RFPL1: variants seen among roughly 807,000 people sequenced by gnomAD.
The protein encoded by RFPL1 is ret finger protein-like 1.
A neutral mutation model predicts 9.6 loss-of-function variants in RFPL1; 6 were observed. That is an observed-to-expected ratio of 0.62 (90% CI 0.34 to 1.23). RFPL1 has a LOEUF of 1.23. Ranked by LOEUF, RFPL1 falls within the 50% of genes most tolerant of loss-of-function variation. The pLI is 0.03. For synonymous variants in RFPL1, 145 were observed against 149.4 expected, an observed-to-expected ratio of 0.97 and a Z score of 0.22; for missense variants, 352 against 398.4, an observed-to-expected ratio of 0.88 and a Z score of 0.99.
chr22:29,440,757 T>C (rs1425598793), intron 1 of RFPL1: 3 of 151,912 alleles, frequency 2.0e-5, no homozygotes, highest in Non-Finnish European at 4.4e-5. Context: ...GTATGTTTTT[T>C]AGTAGAGACA....
chr22:29,423,981 T>G, the RFPL1 span, among the ~76,000 whole-genome samples: 1,204 of 152,090 alleles, frequency 7.9e-3, 23 homozygotes, highest in African/African-American at 0.028. Flanking sequence ...TCACCTGAGG[T>G]CAGGAGATCG....
At chr22:29,421,551 C>G in the RFPL1 span, among the ~76,000 whole-genome samples, 4 of 150,070 alleles carry the variant, frequency 2.7e-5, no homozygotes, top group Non-Finnish European at 4.5e-5. Flanking sequence ...TGCTTTCTCT[C>G]TTTTTTCAAT....
the RFPL1 span, among the ~76,000 whole-genome samples, chr22:29,428,578 A>T: frequency 6.6e-6 from 1 of 152,242 alleles, no homozygotes; most frequent in Non-Finnish European, 1.5e-5. Context: ...CCTCTCCAGG[A>T]TGGACCACAT....
At chr22:29,428,888 G>A in the RFPL1 span, among the ~76,000 whole-genome samples, 9 of 152,248 alleles carry the variant, frequency 5.9e-5, no homozygotes, top group Admixed American at 3.9e-4. Context: ...CAGCAAAAAA[G>A]TAGAATGCTT....
At chr22:29,437,754 T>C (rs1375408294), upstream of RFPL1, 4 of 1,572,672 alleles carry the variant, frequency 2.5e-6, no homozygotes, top group Admixed American at 4.1e-5. Flanking sequence ...TGTGTGTGTG[T>C]TTTTCCTCCT....
At chr22:29,393,621 C>G in the RFPL1 span, among the ~76,000 whole-genome samples, 1 of 152,096 alleles carries the variant, frequency 6.6e-6, no homozygotes, top group Non-Finnish European at 1.5e-5. Flanking sequence ...ACCCCAGGCC[C>G]AGGAGAAACT....
chr22:29,390,953 AAC>A, the RFPL1 span, among the ~76,000 whole-genome samples: 1 of 151,136 alleles, frequency 6.6e-6, no homozygotes, highest in Non-Finnish European at 1.5e-5. Flanking sequence ...CATCCTGGCT[AAC>A]ACAGTGAAAC....
the RFPL1 span, among the ~76,000 whole-genome samples, chr22:29,426,790 T>C: frequency 3.9e-5 from 6 of 152,210 alleles, no homozygotes; most frequent in Admixed American, 3.3e-4. Context: ...CAACATTAGC[T>C]GTATTATCCT....
the RFPL1 span, among the ~76,000 whole-genome samples, chr22:29,410,364 ATATATATC>A: frequency 5.7e-5 from 4 of 70,678 alleles, no homozygotes; most frequent in Non-Finnish European, 8.1e-5. Flanking sequence ...ATATGTAGAT[ATATATATC>A]TATATATATA....
chr22:29,403,500 C>A, the RFPL1 span, among the ~76,000 whole-genome samples: 1 of 152,022 alleles, frequency 6.6e-6, no homozygotes, highest in Non-Finnish European at 1.5e-5. Context: ...GTAATGCAGG[C>A]AAGGGTGGAA....
the RFPL1 span, among the ~76,000 whole-genome samples, chr22:29,401,148 T>A: frequency 6.6e-6 from 1 of 152,262 alleles, no homozygotes; most frequent in Non-Finnish European, 1.5e-5. Context: ...GTATTGTATA[T>A]GCTGTTATGA....
At chr22:29,441,491 A>C in intron 1 of RFPL1, 51 bp from the exon 2 acceptor site, 1 of 1,563,140 alleles carries the variant, frequency 6.4e-7, no homozygotes. Context: ...GAGGAGAGGC[A>C]TGGGGTTGGC....
At chr22:29,417,304 A>G in the RFPL1 span, among the ~76,000 whole-genome samples, 1 of 151,956 alleles carries the variant, frequency 6.6e-6, no homozygotes, top group South Asian at 2.1e-4. Flanking sequence ...AAGGAATCTG[A>G]CTTGGAAGGA....
chr22:29,398,856 T>A, the RFPL1 span, among the ~76,000 whole-genome samples: 6 of 152,178 alleles, frequency 3.9e-5, no homozygotes, highest in Admixed American at 1.3e-4. Context: ...CTGTCCTCCA[T>A]CCTGCTCTCT....
chr22:29,419,490 C>T, the RFPL1 span, among the ~76,000 whole-genome samples: 1 of 152,002 alleles, frequency 6.6e-6, no homozygotes, highest in Non-Finnish European at 1.5e-5. Flanking sequence ...TCGCTCACAC[C>T]TGTAATCCCA....
the RFPL1 span, among the ~76,000 whole-genome samples, chr22:29,425,227 C>T: frequency 1.3e-5 from 2 of 150,038 alleles, no homozygotes; most frequent in African/African-American, 4.9e-5. Context: ...AAAAAGAAAA[C>T]CACACAACTC....
chr22:29,389,213 C>G, the RFPL1 span, among the ~76,000 whole-genome samples: 1 of 151,818 alleles, frequency 6.6e-6, no homozygotes, highest in Admixed American at 6.6e-5. Flanking sequence ...TAGTTTGGAC[C>G]CCTCCATTCT....
At chr22:29,429,353 C>T in the RFPL1 span, among the ~76,000 whole-genome samples, 1 of 152,070 alleles carries the variant, frequency 6.6e-6, no homozygotes, top group African/African-American at 2.4e-5. Context: ...TGTTCTCAGC[C>T]AAGAAGTTGA....
the RFPL1 span, among the ~76,000 whole-genome samples, chr22:29,413,973 T>C: frequency 6.6e-6 from 1 of 152,250 alleles, no homozygotes; most frequent in African/African-American, 2.4e-5. Context: ...AAGGCATATT[T>C]TACTTACCTT....
Sources: gnomAD v4.1 joint callset for allele counts (sites outside exome capture counted in the v4.1 genomes callset) on GRCh38, gnomAD v4.1.1 for gene constraint, MANE v1.5 for transcripts, NCBI Gene and HGNC (gene_info 2026-07-23, HGNC 2026-07-21) for gene names.